CLIC4: variants seen among roughly 807,000 people sequenced by gnomAD.
CLIC4 encodes CLIC family member 4, also known as chloride intracellular channel protein 4.
In CLIC4, 13 loss-of-function variants were observed where a neutral mutation model predicts 24.6. The ratio of observed to expected loss-of-function variants is 0.53; its 90% CI spans 0.34 to 0.84. The LOEUF is 0.84. Ranked by LOEUF, CLIC4 falls within the 40% of genes least tolerant of loss-of-function variation. The probability of loss-of-function intolerance (pLI) is 0.01; values close to 1 mark genes in which losing one functional copy is unlikely to be tolerated. For missense variants in CLIC4, 227 were observed against 301.7 expected (o/e 0.75, Z 1.83); for synonymous variants, 104 against 111.3 (o/e 0.93, Z 0.41).
intron 1 of CLIC4, among the ~76,000 whole-genome samples, chr1:24,773,309 A>C (rs574473014): frequency 6.6e-6 from 1 of 152,332 alleles, no homozygotes; most frequent in East Asian, 1.9e-4. Flanking sequence ...AGCTGCCTTA[A>C]GCATAGATGG....
At chr1:24,836,458 TAAAAC>T (rs1639886264) in intron 4 of CLIC4, among the ~76,000 whole-genome samples, 1 of 147,376 alleles carries the variant, frequency 6.8e-6, no homozygotes, top group Non-Finnish European at 1.5e-5. Context: ...AGCTGGGCCA[TAAAAC>T]AAAGCTAAAA....
intron 1 of CLIC4, among the ~76,000 whole-genome samples, chr1:24,755,418 G>A (rs1412062426): frequency 6.7e-6 from 1 of 149,104 alleles, no homozygotes; most frequent in Admixed American, 6.7e-5. Context: ...CAGCCTGGGC[G>A]ACAGTGAGAC....
intron 2 of CLIC4, among the ~76,000 whole-genome samples, chr1:24,805,070 G>C (rs371635977): frequency 3.5e-4 from 40 of 115,702 alleles, no homozygotes; most frequent in African/African-American, 1.3e-3. Context: ...CTGGGCAACA[G>C]AGTGAGACTC....
At chr1:24,758,607 C>T (rs768888231) in intron 1 of CLIC4, among the ~76,000 whole-genome samples, 1 of 152,064 alleles carries the variant, frequency 6.6e-6, no homozygotes, top group Non-Finnish European at 1.5e-5. Flanking sequence ...GAGACACGTA[C>T]CACCATGCCT....
chr1:24,830,535 G>A (rs1639829875), intron 4 of CLIC4, among the ~76,000 whole-genome samples: 1 of 151,254 alleles, frequency 6.6e-6, no homozygotes, highest in Non-Finnish European at 1.5e-5. Flanking sequence ...CAAAAAGTTT[G>A]TGCATTTTAA....
intron 1 of CLIC4, among the ~76,000 whole-genome samples, chr1:24,786,103 C>G (rs76072109): frequency 6.6e-6 from 1 of 152,014 alleles, no homozygotes; most frequent in Non-Finnish European, 1.5e-5. Context: ...GAAAATATGT[C>G]GAGGAAAATA....
chr1:24,759,366 C>G (rs752500432), intron 1 of CLIC4, among the ~76,000 whole-genome samples: 1 of 151,846 alleles, frequency 6.6e-6, no homozygotes, highest in Non-Finnish European at 1.5e-5. Flanking sequence ...CCCTTGTGTT[C>G]AAGGAGCTCT....
intron 1 of CLIC4, among the ~76,000 whole-genome samples, chr1:24,782,546 A>G (rs1326831799): frequency 6.6e-6 from 1 of 152,204 alleles, no homozygotes; most frequent in Non-Finnish European, 1.5e-5. Context: ...ATTGATATCT[A>G]TCTGCTCTTG....
At chr1:24,821,321 T>A (rs1254515320) in intron 3 of CLIC4, among the ~76,000 whole-genome samples, 1 of 152,214 alleles carries the variant, frequency 6.6e-6, no homozygotes, top group African/African-American at 2.4e-5. Context: ...CTGTAAGACA[T>A]CATAGCTTTA....
At chr1:24,827,901 T>C (rs1342253641) in intron 4 of CLIC4, among the ~76,000 whole-genome samples, 1 of 152,210 alleles carries the variant, frequency 6.6e-6, no homozygotes, top group Non-Finnish European at 1.5e-5. Context: ...AGCAGAGTTC[T>C]CTCTGGGGAA....
intron 1 of CLIC4, among the ~76,000 whole-genome samples, chr1:24,748,089 A>G (rs1638726283): frequency 1.3e-5 from 2 of 152,136 alleles, no homozygotes; most frequent in South Asian, 4.1e-4. Flanking sequence ...CTATTATTCT[A>G]TTGGAGGAGC....
Position 24,827,076 on chromosome 1 carries a change from CTCT to C in CLIC4, c.376_378del (p.Ser126del). The C allele has an allele frequency of 6.2e-7, 1 of 1,611,296 alleles. No homozygotes were observed. Among genetic ancestry groups the C allele is most frequent in the South Asian group, 1.1e-5 (1 of 90,420 alleles). On this transcript the variant is annotated inframe_deletion, in exon 4 of 6. Transcript: ENST00000374379. ...CTGGAATGGACATCTTTGCCAAATT[CTCT>C]GCATATATCAAGAATTCAAGGCCAG...
At chr1:24,775,007 G>A (rs1044529657) in intron 1 of CLIC4, among the ~76,000 whole-genome samples, 5 of 150,208 alleles carry the variant, frequency 3.3e-5, no homozygotes, top group African/African-American at 1.2e-4. Flanking sequence ...GGACGCACAG[G>A]TTGCAGTGAG....
intron 1 of CLIC4, among the ~76,000 whole-genome samples, chr1:24,792,689 TTATG>T (rs1007913607): frequency 1.3e-5 from 2 of 152,130 alleles, no homozygotes; most frequent in African/African-American, 4.8e-5. Context: ...ATCCTTTTAT[TTATG>T]TGTGCATGAA....
intron 1 of CLIC4, among the ~76,000 whole-genome samples, chr1:24,752,972 T>G (rs546356413): frequency 3.9e-5 from 6 of 152,310 alleles, no homozygotes; most frequent in African/African-American, 1.4e-4. Flanking sequence ...CTGCCCGCCT[T>G]GGCCTCCCGA....
chr1:24,765,279 A>T (rs2124094668), intron 1 of CLIC4, among the ~76,000 whole-genome samples: 1 of 152,330 alleles, frequency 6.6e-6, no homozygotes, highest in African/African-American at 2.4e-5. Flanking sequence ...TACATCTATG[A>T]AATATTAACT....
intron 1 of CLIC4, among the ~76,000 whole-genome samples, chr1:24,772,914 G>A (rs192802965): frequency 7.2e-5 from 11 of 152,264 alleles, no homozygotes; most frequent in African/African-American, 9.6e-5. Flanking sequence ...ATATTGTATA[G>A]CATTTTCATG....
chr1:24,756,468 G>T (rs939991724), intron 1 of CLIC4, among the ~76,000 whole-genome samples: 4 of 152,132 alleles, frequency 2.6e-5, no homozygotes, highest in Non-Finnish European at 2.9e-5. Flanking sequence ...GAGTATGACA[G>T]GTTTTCTTTC....
chr1:24,806,788 T>G (rs1639554925), intron 2 of CLIC4, among the ~76,000 whole-genome samples: 1 of 152,226 alleles, frequency 6.6e-6, no homozygotes, highest in Non-Finnish European at 1.5e-5. Context: ...TTTGCATACT[T>G]TTAGTTCACT....
Sources: allele counts gnomAD v4.1 joint callset (sites outside exome capture counted in the v4.1 genomes callset), GRCh38; gene constraint gnomAD v4.1.1; transcripts MANE v1.5; gene names NCBI Gene and HGNC (gene_info 2026-07-23, HGNC 2026-07-21).